CCSER1: variants seen among roughly 807,000 people sequenced by gnomAD.
CCSER1 encodes the protein serine-rich coiled-coil domain-containing protein 1.
A neutral mutation model predicts 82.0 loss-of-function variants in CCSER1; 41 were observed. The observed-to-expected ratio is 0.50, with a 90% CI of 0.39 to 0.65. The LOEUF (loss-of-function observed/expected upper bound fraction) is 0.65, where lower values mean the gene tolerates loss of function less well. Ranked by LOEUF, CCSER1 falls within the 30% of genes least tolerant of loss-of-function variation. The pLI, the probability that CCSER1 is intolerant of heterozygous loss-of-function variation, is 0.00. For synonymous variants in CCSER1, 414 were observed against 383.9 expected (o/e 1.08, Z -0.92); for missense variants, 1,119 against 1,064.2 (o/e 1.05, Z -0.72).
chr4:90,595,472 A>G (rs866839482), intron 5 of CCSER1, among the ~76,000 whole-genome samples: 2 of 150,604 alleles, frequency 1.3e-5, no homozygotes, highest in East Asian at 2.0e-4. Flanking sequence ...TTCATAATAT[A>G]TTTGAAATAC....
intron 8 of CCSER1, chr4:90,838,849 A>G (rs2149858498): frequency 6.2e-7 from 1 of 1,608,370 alleles, no homozygotes; most frequent in Non-Finnish European, 8.5e-7. Flanking sequence ...AAGAAGTAAA[A>G]TAAGAAGGCA....
intron 10 of CCSER1, among the ~76,000 whole-genome samples, chr4:91,496,564 G>GTA (rs367939121): frequency 0.2 from 3,520 of 17,618 alleles, 1,011 homozygotes; most frequent in African/African-American, 0.4. Flanking sequence ...CATAAATCTT[G>GTA]TATATATATA....
chr4:91,496,696 C>CAATAATATTG lies in CCSER1; in HGVS notation c.2218-101872_2218-101871insATATTGAATA, dbSNP rs1553946277. Among the ~76,000 whole-genome samples, 62 of 15,054 alleles carry CAATAATATTG rather than the reference C, an allele frequency of 4.1e-3. 5 individuals carry two copies. The highest frequency in any genetic ancestry group is 9.8e-3 in the African/African-American group (61 of 6,194). 9.9% of individuals were successfully genotyped at this position (15,054 alleles called of 152,430 possible). ...CAATATATTTGAATATATATATATT[C>CAATAATATTG]AATATATATATATATTCAATATATA... On this transcript the variant is annotated intron_variant, in intron 10 of 10. Transcript: ENST00000509176.
At chr4:90,999,983 C>T (rs1338090147) in intron 9 of CCSER1, among the ~76,000 whole-genome samples, 1 of 151,138 alleles carries the variant, frequency 6.6e-6, no homozygotes, top group East Asian at 1.9e-4. Flanking sequence ...GGAAAGGGTC[C>T]AGTTTCATTC....
chr4:91,075,415 T>C lies in CCSER1; in HGVS notation c.2173-10535T>C, dbSNP rs542017556. On this transcript the variant is annotated intron_variant, in intron 9 of 10. Coordinates refer to ENST00000509176, the MANE Select transcript of CCSER1 (RefSeq NM_001145065.2). ...TCCAACCACATCCCCCAGAGTATTT[T>C]TAAATATGCTTTGCTCAAGACATGC... Among the ~76,000 whole-genome samples, 167 of 152,262 alleles carry C rather than the reference T, an allele frequency of 1.1e-3. 4 individuals carry two copies. The South Asian group carries it at 0.034, about 31-fold the overall frequency.
At chr4:91,227,524 T>C (rs2149109822) in intron 10 of CCSER1, among the ~76,000 whole-genome samples, 1 of 151,996 alleles carries the variant, frequency 6.6e-6, no homozygotes, top group East Asian at 1.9e-4. Context: ...TATTTTAATT[T>C]TTTTTTAGAT....
intron 9 of CCSER1, among the ~76,000 whole-genome samples, chr4:91,016,322 T>G: frequency 6.6e-6 from 1 of 152,148 alleles, no homozygotes; most frequent in Non-Finnish European, 1.5e-5. Flanking sequence ...ATTCTGAATG[T>G]ATCGGCAGAA....
chr4:90,289,827 C>T (rs1382021602), intron 1 of CCSER1, among the ~76,000 whole-genome samples: 2 of 151,756 alleles, frequency 1.3e-5, no homozygotes, highest in Non-Finnish European at 2.9e-5. Flanking sequence ...AAGCCCTCAA[C>T]TTCTTTAGTC....
At chr4:91,096,654 T>C (rs779697577) in intron 10 of CCSER1, among the ~76,000 whole-genome samples, 2 of 152,158 alleles carry the variant, frequency 1.3e-5, no homozygotes, top group Non-Finnish European at 2.9e-5. Context: ...GTTCTTAGTT[T>C]TCCTGGAGTC....
At chr4:91,542,141 T>TG (rs1761634189) in intron 10 of CCSER1, among the ~76,000 whole-genome samples, 1 of 152,194 alleles carries the variant, frequency 6.6e-6, no homozygotes, top group Non-Finnish European at 1.5e-5. Context: ...CTTTGCCAGA[T>TG]GGGTAGATTG....
At chr4:91,048,484 C>T (rs72886637) in intron 9 of CCSER1, among the ~76,000 whole-genome samples, 3,296 of 151,944 alleles carry the variant, frequency 0.022, 104 homozygotes, top group African/African-American at 0.074. Context: ...TGTTTCAAAA[C>T]GGGGACTTCA....
intron 10 of CCSER1, among the ~76,000 whole-genome samples, chr4:91,262,910 G>A (rs1016886916): frequency 7.3e-5 from 11 of 151,108 alleles, no homozygotes; most frequent in African/African-American, 2.2e-4. Context: ...TCAGGTTAGC[G>A]CAGCCTGACT....
At chr4:91,025,194 T>C (rs1328986670) in intron 9 of CCSER1, among the ~76,000 whole-genome samples, 2 of 152,188 alleles carry the variant, frequency 1.3e-5, no homozygotes, top group African/African-American at 4.8e-5. Flanking sequence ...TTGTAATTTC[T>C]ATTTTTTTAT....
intron 10 of CCSER1, among the ~76,000 whole-genome samples, chr4:91,297,367 G>GTGTGTGTGTGTGTGTGTA (rs1190710309): frequency 4.2e-5 from 4 of 95,080 alleles, no homozygotes; most frequent in Non-Finnish European, 8.8e-5. Flanking sequence ...ATGGATGCTT[G>GTGTGTGTGTGTGTGTGTA]TGTGTGTGTG....
chr4:90,541,434 C>A (rs145278837), intron 5 of CCSER1, among the ~76,000 whole-genome samples: 1,884 of 152,146 alleles, frequency 0.012, 47 homozygotes, highest in African/African-American at 0.043. Context: ...TAGCTGTTGG[C>A]CTTCAAATCT....
At chr4:90,802,752 C>T (rs1756998434) in intron 7 of CCSER1, among the ~76,000 whole-genome samples, 1 of 152,160 alleles carries the variant, frequency 6.6e-6, no homozygotes, top group Non-Finnish European at 1.5e-5. Flanking sequence ...GTGTTGCAGA[C>T]AGCATGCTAC....
intron 10 of CCSER1, among the ~76,000 whole-genome samples, chr4:91,366,081 C>T (rs777316110): frequency 5.3e-5 from 8 of 152,196 alleles, no homozygotes; most frequent in Admixed American, 2.0e-4. Context: ...TGCAATGGCA[C>T]GATCTTGGCT....
In CCSER1 at chr4:90,165,438, G is replaced by C. The variant is rs182375499; in HGVS notation, c.-42+37607G>C. On this transcript the variant is annotated intron_variant, in intron 1 of 10. Coordinates refer to ENST00000509176, the MANE Select transcript of CCSER1 (RefSeq NM_001145065.2). ...ACTACACTAGTATTATCCTATTACT[G>C]AGTCATTCCTTTGAGGGTGGCTTAG... Among the ~76,000 whole-genome samples, 13 of 152,104 alleles carry C rather than the reference G, an allele frequency of 8.5e-5. No homozygotes were observed. In the East Asian group the frequency reaches 2.5e-3, roughly 29 times the overall value.
chr4:91,128,344 C>T (rs747372200), intron 10 of CCSER1, among the ~76,000 whole-genome samples: 1 of 151,976 alleles, frequency 6.6e-6, no homozygotes, highest in Admixed American at 6.6e-5. Context: ...TCTTCTTCAA[C>T]TTTAAAAGGA....
Sources: allele counts gnomAD v4.1 joint callset (sites outside exome capture counted in the v4.1 genomes callset), GRCh38; gene constraint gnomAD v4.1.1; transcripts MANE v1.5; gene names NCBI Gene and HGNC (gene_info 2026-07-23, HGNC 2026-07-21).